ZNF81: variants seen among roughly 807,000 people sequenced by gnomAD.
ZNF81 encodes zinc finger protein 81, also known as zinc finger protein 81 (HFZ20).
ZNF81 carries 5 observed loss-of-function variants against 32.3 expected under a neutral mutation model. The ratio of observed to expected loss-of-function variants is 0.15; its 90% CI spans 0.08 to 0.33. The LOEUF (loss-of-function observed/expected upper bound fraction) is 0.33, where lower values mean the gene tolerates loss of function less well. ZNF81 is among the 10% of genes least tolerant of loss of function. The pLI, the probability that ZNF81 is intolerant of heterozygous loss-of-function variation, is 1.00. For synonymous variants in ZNF81, 163 were observed against 166.8 expected (o/e 0.98, Z 0.17); for missense variants, 379 against 479.8 (o/e 0.79, Z 1.96).
rs782066747 is a variant in ZNF81, at chrX:47,914,936, G to C, written c.290G>C (p.Gly97Ala). Residue 97 changes from glycine (G) to alanine (A), a missense_variant, in exon 5 of 5, where the codon GGA becomes GCA. By Grantham distance (60) the Gly-to-Ala change is moderately conservative. Transcript: ENST00000338637. ...PHQSCSDGKF[G>A]IKPSQRRISG... ...TTTCTCTTTTTAGATGGGAAATTTG[G>C]AATTAAGCCTTCCCAGAGGAGAATT... 38 of 1,208,331 alleles carry C rather than the reference G, an allele frequency of 3.1e-5. No individual in the cohort carries two copies. The highest frequency in any genetic ancestry group is 4.3e-5 in the Non-Finnish European group (38 of 893,982).
intron 1 of ZNF81, chrX:47,841,116 C>A: frequency 1.2e-6 from 1 of 865,499 alleles, no homozygotes; most frequent in Non-Finnish European, 1.7e-6. Flanking sequence ...CGAAATGTTT[C>A]CCTGGGAAGG....
intron 2 of ZNF81, among the ~76,000 whole-genome samples, chrX:47,882,015 G>T (rs1355457732): frequency 9.0e-6 from 1 of 111,254 alleles, no homozygotes. Flanking sequence ...GGCCTCAAGC[G>T]ATCCTCCCAA....
Position 47,863,582 on chromosome X carries a change from T to C in ZNF81, c.54+17261T>C, listed in dbSNP as rs1045157450. Among the ~76,000 whole-genome samples, 23 of 112,109 alleles carry C rather than the reference T, an allele frequency of 2.1e-4. 1 individual carries two copies. Among genetic ancestry groups the C allele is most frequent in the African/African-American group, 7.4e-4 (23 of 30,888 alleles). Reference sequence around the variant, plus strand: ...ATTCTGGCCAGGAGAACTTGCCCCATAGGCCGTTCATGTGAACCTTAGAGA... The same window carrying C: ...ATTCTGGCCAGGAGAACTTGCCCCACAGGCCGTTCATGTGAACCTTAGAGA... On this transcript the variant is annotated intron_variant, in intron 2 of 4. Coordinates refer to ENST00000338637, the MANE Select transcript of ZNF81 (RefSeq NM_007137.5).
rs1317271731 is a variant in ZNF81, at chrX:47,920,359, TG to T, written c.*3733del. 1 of 110,835 alleles carries T rather than the reference TG, an allele frequency of 9.0e-6. No individual in the cohort carries two copies. The highest frequency in any genetic ancestry group is 3.3e-5 in the African/African-American group (1 of 30,391). The allele number at this position is 110,835 out of a possible 1,213,427, so 9.1% of individuals were successfully genotyped here. ...CTTGGTTCTTGCTGACCTGGTGAGT[TG>T]GGGGGCAGGGGTTGTCTTGGGCCAG... On this transcript the variant is annotated 3_prime_UTR_variant, in exon 5 of 5. Coordinates refer to ENST00000338637, the MANE Select transcript of ZNF81 (RefSeq NM_007137.5).
intron 1 of ZNF81, among the ~76,000 whole-genome samples, chrX:47,837,246 T>C (rs782606923): frequency 8.9e-6 from 1 of 112,046 alleles, no homozygotes; most frequent in African/African-American, 3.2e-5. Flanking sequence ...CAAAAGTTTA[T>C]CTCTGTAATG....
chrX:47,904,149 G>A (rs1338070516), intron 4 of ZNF81, among the ~76,000 whole-genome samples: 3 of 111,764 alleles, frequency 2.7e-5, no homozygotes, highest in Non-Finnish European at 5.6e-5. Context: ...ACATAGGCAC[G>A]GGCAAGGACT....
In ZNF81 at chrX:47,915,690, T is replaced by A; in HGVS notation, c.1044T>A (p.His348Gln). ...TCCAGAATTCAGAATTAATTATGCA[T>A]GAGAAAACTCATACTAGAGAGAAAC... ...AFIQNSELIM[H>Q]EKTHTREKPY... The change falls in exon 5 of 5, where the codon CAT (histidine) becomes CAA (glutamine). Residue 348 changes from histidine (H) to glutamine (Q), a missense_variant. Physicochemically the swap from His to Gln is conservative, Grantham distance 24. Around this residue, in one of 2 missense-constraint regions of ZNF81, gnomAD observed 277 missense variants for 306.6 expected, o/e 0.90. Coordinates refer to ENST00000338637, the MANE Select transcript of ZNF81 (RefSeq NM_007137.5). 2.5e-6 allele frequency: 3 copies of A among 1,210,002 alleles called. No individual in the cohort carries two copies. Among genetic ancestry groups the A allele is most frequent in the Non-Finnish European group, 3.4e-6 (3 of 894,866 alleles).
intron 2 of ZNF81, among the ~76,000 whole-genome samples, chrX:47,850,418 G>A (rs1417037061): frequency 9.1e-6 from 1 of 109,364 alleles, no homozygotes; most frequent in African/African-American, 3.3e-5. Context: ...ATAATATTGA[G>A]TGAAAGAAGG....
Position 47,846,409 on chromosome X carries a change from C to CT in ZNF81, c.54+95dup, listed in dbSNP as rs1226295762. The CT allele has an allele frequency of 1.9e-5, 20 of 1,058,385 alleles. No homozygotes were observed. In the Admixed American group the frequency reaches 4.5e-4, roughly 24 times the overall value. The allele number at this position is 1,058,385 out of a possible 1,213,427, so 87.2% of individuals were successfully genotyped here. On this transcript the variant is annotated intron_variant, in intron 2 of 4. Coordinates refer to ENST00000338637, the MANE Select transcript of ZNF81 (RefSeq NM_007137.5). ...TACCTCATAGTTTTCATTTCTAGTA[C>CT]TTTTTTTAGCAGGCAGGAAAATTTC...
In ZNF81 at chrX:47,846,190, T is replaced by C; in HGVS notation, c.-78T>C. 1 of 1,119,476 alleles carries C rather than the reference T, an allele frequency of 8.9e-7. No homozygotes were observed. The highest frequency in any genetic ancestry group is 1.2e-6 in the Non-Finnish European group (1 of 826,734). The allele number at this position is 1,119,476 out of a possible 1,213,427, so 92.3% of individuals were successfully genotyped here. A position where few individuals can be genotyped will look rare whatever the true frequency, so the allele number is the denominator to read the frequency against. On this transcript the variant is annotated 5_prime_UTR_variant, in exon 2 of 5. Coordinates refer to ENST00000338637, the MANE Select transcript of ZNF81 (RefSeq NM_007137.5). ...TCCTTCTGACCCCAGCAGTCCCCGTTGAGTCCACCGATCCCACTGGAATTA... is the reference window on the plus strand; with the variant it reads ...TCCTTCTGACCCCAGCAGTCCCCGTCGAGTCCACCGATCCCACTGGAATTA...
At chrX:47,885,393 C>T (rs1927997) in intron 2 of ZNF81, among the ~76,000 whole-genome samples, 10,334 of 111,649 alleles carry the variant, frequency 0.093, 841 homozygotes, top group East Asian at 0.32. Flanking sequence ...ACCTTTTCTG[C>T]CCTTCTCTCC....
chrX:47,888,601 GT>G (rs1402790256), intron 3 of ZNF81, among the ~76,000 whole-genome samples: 9 of 110,915 alleles, frequency 8.1e-5, no homozygotes, highest in Non-Finnish European at 1.7e-4. Flanking sequence ...AATTTCTCTT[GT>G]TTTGAGCCCC....
Position 47,895,935 on chromosome X carries a change from G to A in ZNF81, c.272G>A (p.Cys91Tyr), listed in dbSNP as rs782597817. 1 of 1,199,233 alleles carries A rather than the reference G, an allele frequency of 8.3e-7. No individual in the cohort carries two copies. Among genetic ancestry groups the A allele is most frequent in the Non-Finnish European group, 1.1e-6 (1 of 884,291 alleles). The change falls in exon 4 of 5, where the codon TGT (cysteine) becomes TAT (tyrosine). Residue 91 changes from cysteine (C) to tyrosine (Y), a missense_variant. Around this residue, in one of 2 missense-constraint regions of ZNF81, gnomAD observed 277 missense variants for 306.6 expected, o/e 0.90. Coordinates refer to ENST00000338637, the MANE Select transcript of ZNF81 (RefSeq NM_007137.5). ...GAAGGGGAAGCCCCACATCAGAGCT[G>A]TTCAGGTGAGTGGGTGTGACCCAGG... ...TLEGEAPHQS[C>Y]SDGKFGIKPS...
chrX:47,914,858 T>C, intron 4 of ZNF81, 66 bp from the exon 5 acceptor site: 1 of 1,038,443 alleles, frequency 9.6e-7, no homozygotes, highest in Non-Finnish European at 1.3e-6. Flanking sequence ...TATTAGCTTA[T>C]GTGTACCTTT....
intron 2 of ZNF81, among the ~76,000 whole-genome samples, chrX:47,847,159 C>T (rs2058473996): frequency 8.9e-6 from 1 of 112,193 alleles, no homozygotes; most frequent in Admixed American, 9.4e-5. Flanking sequence ...ATGCCAAGCA[C>T]TGTTACACGT....
intron 2 of ZNF81, among the ~76,000 whole-genome samples, chrX:47,857,501 TG>T (rs782501585): frequency 1.8e-5 from 2 of 112,217 alleles, no homozygotes; most frequent in African/African-American, 6.5e-5. Context: ...AACTTACAGG[TG>T]GACGGAAAAT....
At chrX:47,883,114 A>G (rs960933490) in intron 2 of ZNF81, among the ~76,000 whole-genome samples, 2 of 112,606 alleles carry the variant, frequency 1.8e-5, no homozygotes, top group Non-Finnish European at 3.8e-5. Context: ...GTGAGTGTCT[A>G]TGCTTTCTCA....
Position 47,845,140 on chromosome X carries a change from C to T in ZNF81, c.-163-965C>T, listed in dbSNP as rs139690226. Among the ~76,000 whole-genome samples the T allele has an allele frequency of 8.9e-3, 994 of 111,619 alleles. 45 individuals carry two copies. The highest frequency in any genetic ancestry group is 0.087 in the Admixed American group (913 of 10,495). ...TTATGTTTTTAAAATTTAACTTGTT[C>T]ATGCCTTTTATTTTATTTTACTCTT... On this transcript the variant is annotated intron_variant, in intron 1 of 4. Transcript: ENST00000338637.
chrX:47,848,609 ATAAT>A (rs782511460), intron 2 of ZNF81, among the ~76,000 whole-genome samples: 1 of 111,483 alleles, frequency 9.0e-6, no homozygotes, highest in East Asian at 2.9e-4. Flanking sequence ...AATGGCTCAA[ATAAT>A]TAAAGACATA....
Sources: gnomAD v4.1 joint callset for allele counts (sites outside exome capture counted in the v4.1 genomes callset) on GRCh38, gnomAD v4.1.1 for gene constraint, gnomAD v4.1.1 regional missense constraint, MANE v1.5 for transcripts, NCBI Gene and HGNC (gene_info 2026-07-23, HGNC 2026-07-21) for gene names.